The following ATXN8OS variants were observed in gnomAD, a reference collection of about 807,000 sequenced individuals.
The protein encoded by ATXN8OS is ATXN8 opposite strand lncRNA.
At chr13:70,117,727 A>G (rs1888300297) in intron 2 of ATXN8OS, among the ~76,000 whole-genome samples, 1 of 152,106 alleles carries the variant, frequency 6.6e-6, no homozygotes, top group African/African-American at 2.4e-5. Flanking sequence ...TGCAAAATAG[A>G]AGTTAACGTG....
chr13:70,139,393 C>CTGCTGCTGCTGT, intron 3 of ATXN8OS: 2 of 555,270 alleles, frequency 3.6e-6, no homozygotes, highest in Non-Finnish European at 2.9e-6. Context: ...ACTGCTGCTG[C>CTGCTGCTGCTGT]TGCTGCTGCT....
chr13:70,109,405 T>C (rs770918590), intron 1 of ATXN8OS, among the ~76,000 whole-genome samples: 3 of 152,190 alleles, frequency 2.0e-5, no homozygotes, highest in African/African-American at 7.2e-5. Context: ...AAATTCACAG[T>C]TTCAGTAACC....
chr13:70,134,666 A>G (rs1888584690), intron 3 of ATXN8OS, among the ~76,000 whole-genome samples: 1 of 152,198 alleles, frequency 6.6e-6, no homozygotes, highest in Non-Finnish European at 1.5e-5. Context: ...GGATTCAACA[A>G]TGTGTTTCCT....
At chr13:70,171,414 G>A (rs1448669221) in exon 5 of ATXN8OS, among the ~76,000 whole-genome samples, 1 of 152,126 alleles carries the variant, frequency 6.6e-6, no homozygotes, top group East Asian at 1.9e-4. Context: ...ATTGCTCTGG[G>A]TGAGTCACTG....
At chr13:70,149,658 T>C (rs1301960932) in intron 4 of ATXN8OS, among the ~76,000 whole-genome samples, 1 of 152,102 alleles carries the variant, frequency 6.6e-6, no homozygotes, top group Non-Finnish European at 1.5e-5. Context: ...ATTATCATGA[T>C]CCATAACAGA....
chr13:70,164,007 C>G (rs1841813104), intron 4 of ATXN8OS, among the ~76,000 whole-genome samples: 1 of 148,694 alleles, frequency 6.7e-6, no homozygotes, highest in African/African-American at 2.5e-5. Context: ...GTGCTTGAAT[C>G]AGTTTTTATT....
chr13:70,153,838 C>A (rs570514952), intron 4 of ATXN8OS, among the ~76,000 whole-genome samples: 7 of 152,070 alleles, frequency 4.6e-5, no homozygotes, highest in African/African-American at 1.4e-4. Flanking sequence ...TGCCACTACA[C>A]CTGTCCAATT....
At chr13:70,165,163 A>G (rs527635195) in intron 4 of ATXN8OS, among the ~76,000 whole-genome samples, 3 of 152,098 alleles carry the variant, frequency 2.0e-5, no homozygotes, top group African/African-American at 4.8e-5. Flanking sequence ...AAATTCAAGG[A>G]AAAACAAAAG....
chr13:70,161,258 A>C (rs1261887622), intron 4 of ATXN8OS, among the ~76,000 whole-genome samples: 1 of 152,094 alleles, frequency 6.6e-6, no homozygotes, highest in Non-Finnish European at 1.5e-5. Flanking sequence ...AAATATACTA[A>C]AGAGTAAACC....
upstream of ATXN8OS, chr13:70,107,456 G>C (rs372375859): frequency 5.0e-5 from 81 of 1,613,968 alleles, no homozygotes; most frequent in Non-Finnish European, 6.6e-5. Context: ...GAAGAGGACG[G>C]GGAGGACGAT....
intron 3 of ATXN8OS, among the ~76,000 whole-genome samples, chr13:70,145,591 G>A (rs892300319): frequency 2.0e-5 from 3 of 151,942 alleles, no homozygotes; most frequent in Admixed American, 1.3e-4. Context: ...GGATTCCTAG[G>A]TATTTTATTC....
chr13:70,127,350 G>A (rs1054211312), intron 2 of ATXN8OS, among the ~76,000 whole-genome samples: 7 of 151,936 alleles, frequency 4.6e-5, no homozygotes, highest in Admixed American at 6.6e-5. Context: ...CTTTTAATAT[G>A]AAGATTTCTA....
At chr13:70,139,335 G>A in intron 3 of ATXN8OS, 1 of 637,434 alleles carries the variant, frequency 1.6e-6, no homozygotes. Context: ...GGTCCTTCAT[G>A]TTAGAAAACC....
chr13:70,149,260 A>G (rs9599560), intron 4 of ATXN8OS, among the ~76,000 whole-genome samples: 34,935 of 152,036 alleles, frequency 0.23, 4,522 homozygotes, highest in East Asian at 0.53. Flanking sequence ...TGCACTTCAA[A>G]AACAACAAAA....
chr13:70,107,739 G>A (rs1888109430), upstream of ATXN8OS: 3 of 1,459,212 alleles, frequency 2.1e-6, no homozygotes, highest in South Asian at 2.8e-5. Flanking sequence ...AGCTCACGCA[G>A]GAGTAGGCTG....
intron 1 of ATXN8OS, among the ~76,000 whole-genome samples, chr13:70,113,369 A>C (rs978335854): frequency 3.9e-5 from 6 of 152,196 alleles, no homozygotes; most frequent in Non-Finnish European, 8.8e-5. Flanking sequence ...TGAGTAAAAC[A>C]CATTTGATGG....
rs991841695 is a variant in ATXN8OS at position 70,130,554 on chromosome 13, A to G, written n.499+670A>G. On this transcript the variant is annotated intron_variant and non_coding_transcript_variant, in intron 3 of 4. Coordinates refer to ENST00000678624, the Ensembl canonical transcript of ATXN8OS. ...ATGTGATGTAGGGGAAGTATTTTAAAACAAAAAGAAACAACTTTTGAGATA... is the reference window on the plus strand; with the variant it reads ...ATGTGATGTAGGGGAAGTATTTTAAGACAAAAAGAAACAACTTTTGAGATA... The G allele has an allele frequency of 1.8e-5, 7 of 396,398 alleles. No homozygotes were observed. The Admixed American group carries it at 1.8e-4, about 10-fold the overall frequency. The allele number at this position is 396,398 out of a possible 1,614,324, so 24.6% of individuals were successfully genotyped here.
chr13:70,156,794 G>T (rs750765967), intron 4 of ATXN8OS, among the ~76,000 whole-genome samples: 69 of 151,938 alleles, frequency 4.5e-4, no homozygotes, highest in Non-Finnish European at 8.1e-4. Context: ...TATTTCCAAG[G>T]TCTTCAACTT....
At chr13:70,140,144 G>A (rs1288102116) in intron 3 of ATXN8OS, among the ~76,000 whole-genome samples, 7 of 151,998 alleles carry the variant, frequency 4.6e-5, no homozygotes, top group African/African-American at 1.4e-4. Flanking sequence ...AGAAACTGAT[G>A]GAGTTAGTAT....
Sources: allele counts gnomAD v4.1 joint callset (sites outside exome capture counted in the v4.1 genomes callset), GRCh38; gene constraint gnomAD v4.1.1; transcripts MANE v1.5; gene names NCBI Gene and HGNC (gene_info 2026-07-23, HGNC 2026-07-21).